Variants in ZNF697 observed in about 807,000 individuals in gnomAD.
ZNF697 encodes zinc finger protein 697.
A neutral mutation model predicts 32.4 loss-of-function variants in ZNF697; 23 were observed. The observed-to-expected ratio is 0.71, with a 90% confidence interval of 0.51 to 1.01. ZNF697 has a LOEUF of 1.01. ZNF697 is among the 50% of genes least tolerant of loss of function. ZNF697 has a pLI of 0.00. For synonymous variants in ZNF697, 418 were observed against 337.2 expected, an observed-to-expected ratio of 1.24 and a Z score of -2.62; for missense variants, 930 against 794.0, an observed-to-expected ratio of 1.17 and a Z score of -2.06.
chr1:119,631,620 C>G (rs1648777680), intron 1 of ZNF697, among the ~76,000 whole-genome samples: 1 of 151,802 alleles, frequency 6.6e-6, no homozygotes, highest in African/African-American at 2.4e-5. Context: ...GCCTGGGCCC[C>G]GCCAGCCCCC....
intron 2 of ZNF697, 127 bp from the exon 3 acceptor site, chr1:119,624,243 G>T: frequency 8.5e-7 from 1 of 1,172,264 alleles, no homozygotes; most frequent in Non-Finnish European, 1.2e-6. Flanking sequence ...GCCCCTCCAA[G>T]ACCCCCTGAG....
intron 1 of ZNF697, among the ~76,000 whole-genome samples, chr1:119,645,948 T>C (rs587734819): frequency 1.6e-4 from 25 of 152,292 alleles, no homozygotes; most frequent in African/African-American, 4.6e-4. Context: ...CCTTTACCCT[T>C]TCTCCTTCCC....
rs948501458 is a variant in ZNF697 at position 119,622,254 on chromosome 1, T to C, written c.*451A>G. 6.5e-6 allele frequency: 1 copy of C among 154,964 alleles called. No homozygotes were observed. Among genetic ancestry groups the C allele is most frequent in the Non-Finnish European group, 1.4e-5 (1 of 70,102 alleles). The allele number at this position is 154,964 out of a possible 1,614,324, so 9.6% of individuals were successfully genotyped here. ...TGATGTGTGGAGATCGGGCAAACTC[T>C]TGGTGGGACCAAGATAGAATCACTT... On this transcript the variant is annotated 3_prime_UTR_variant, in exon 3 of 3. Transcript: ENST00000421812.
chr1:119,630,083 C>T (rs1487750326), intron 1 of ZNF697, among the ~76,000 whole-genome samples: 1 of 152,206 alleles, frequency 6.6e-6, no homozygotes, highest in Admixed American at 6.5e-5. Flanking sequence ...GGGGGAAAAG[C>T]AATAGAGTGG....
rs34141517 is a variant in ZNF697 at position 119,620,883 on chromosome 1, CT to C, written c.*1821del. ...TAAAAGTGTAAAAACAATCTCGTAG[CT>C]TTTTTTCCCCCTTCCACTGTGTCTG... On this transcript the variant is annotated 3_prime_UTR_variant, in exon 3 of 3. Transcript: ENST00000421812. 102,627 of 152,156 alleles carry C rather than the reference CT, an allele frequency of 0.67. 35,399 individuals carry two copies. Among genetic ancestry groups the C allele is most frequent in the African/African-American group, 0.83 (34,196 of 41,446 alleles). 9.4% of individuals were successfully genotyped at this position (152,156 alleles called of 1,614,324 possible).
chr1:119,641,046 G>A (rs1649054673), intron 1 of ZNF697, among the ~76,000 whole-genome samples: 1 of 152,192 alleles, frequency 6.6e-6, no homozygotes, highest in African/African-American at 2.4e-5. Flanking sequence ...AGGCTCTTAA[G>A]AAAGTTAGTA....
intron 1 of ZNF697, among the ~76,000 whole-genome samples, chr1:119,636,732 G>A (rs1280267276): frequency 2.0e-5 from 3 of 152,154 alleles, no homozygotes; most frequent in African/African-American, 7.2e-5. Context: ...GGGCAGACAC[G>A]AGCCTAAATC....
chr1:119,642,245 A>T (rs1275574892), intron 1 of ZNF697, among the ~76,000 whole-genome samples: 1 of 152,224 alleles, frequency 6.6e-6, no homozygotes, highest in African/African-American at 2.4e-5. Flanking sequence ...GCAGCACAGA[A>T]GATGTCTAGG....
chr1:119,623,587 CAG>C lies in ZNF697; in HGVS notation c.754_755del (p.Leu252GlyfsTer182). On this transcript the variant is annotated frameshift_variant, in exon 3 of 3. Coordinates refer to ENST00000421812, the MANE Select transcript of ZNF697 (RefSeq NM_001080470.2). LOFTEE classifies it high-confidence loss of function. Reference protein sequence around the residue: ...VAGGFGAGPPLARPPREKPFR... With the variant: ...VAGGFGAGPPXARPPREKPFR... ...AGGGCTTTTCGCGCGGGGGCCGGGCCAGCGGGGGCCCGGCCCCGAAGCCCCCC... is the reference window on the plus strand; with the variant it reads ...AGGGCTTTTCGCGCGGGGGCCGGGCCCGGGGGCCCGGCCCCGAAGCCCCCC... 2 of 1,440,580 alleles carry C rather than the reference CAG, an allele frequency of 1.4e-6. No individual in the cohort carries two copies. Among genetic ancestry groups the C allele is most frequent in the Non-Finnish European group, 1.8e-6 (2 of 1,109,558 alleles). 89.2% of individuals were successfully genotyped at this position (1,440,580 alleles called of 1,614,324 possible).
chr1:119,640,026 T>C (rs1649025676), intron 1 of ZNF697, among the ~76,000 whole-genome samples: 1 of 152,234 alleles, frequency 6.6e-6, no homozygotes, highest in Admixed American at 6.5e-5. Flanking sequence ...AGTGCTCAGA[T>C]AGAATTATTA....
At chr1:119,640,942 A>G (rs770189168) in intron 1 of ZNF697, among the ~76,000 whole-genome samples, 13 of 152,214 alleles carry the variant, frequency 8.5e-5, no homozygotes, top group Non-Finnish European at 1.9e-4. Context: ...CAAGAAAGGC[A>G]TGGATTTCTT....
At position 119,623,376 on chromosome 1, in the gene ZNF697, C is replaced by A; in HGVS notation, c.967G>T (p.Gly323Cys). ...GEKPYPCPEC[G>C]EAFSLSSHLL... ...TGCGAGCTGAGGCTGAAGGCCTCGCCGCACTCGGGGCACGGGTAGGGCTTC... is the reference window on the plus strand; with the variant it reads ...TGCGAGCTGAGGCTGAAGGCCTCGCAGCACTCGGGGCACGGGTAGGGCTTC... Residue 323 changes from glycine to cysteine, a missense_variant, in exon 3 of 3, where the codon GGC becomes TGC. By Grantham distance (159) the Gly-to-Cys change is radical. Coordinates refer to ENST00000421812, the MANE Select transcript of ZNF697 (RefSeq NM_001080470.2). The A allele has an allele frequency of 1.4e-6, 2 of 1,478,512 alleles. No individual in the cohort carries two copies. Among genetic ancestry groups the A allele is most frequent in the Non-Finnish European group, 1.8e-6 (2 of 1,117,128 alleles). 91.6% of individuals were successfully genotyped at this position (1,478,512 alleles called of 1,614,324 possible). A position where few individuals can be genotyped will look rare whatever the true frequency, so the allele number is the denominator to read the frequency against.
intron 1 of ZNF697, among the ~76,000 whole-genome samples, chr1:119,631,255 C>G (rs1301669337): frequency 6.6e-6 from 1 of 152,264 alleles, no homozygotes; most frequent in East Asian, 1.9e-4. Flanking sequence ...TGGATGGCAC[C>G]GCGGAGGCGG....
rs202050097 is a variant in ZNF697 at position 119,623,958 on chromosome 1, G to C, written c.385C>G (p.Leu129Val). 118 of 1,604,296 alleles carry C rather than the reference G, an allele frequency of 7.4e-5. No individual in the cohort carries two copies. The highest frequency in any genetic ancestry group is 9.7e-5 in the Non-Finnish European group (114 of 1,175,690). ...DDDESAGENR[L>V]EEEEEQPAPP... ...GCCGGCTGCTCCTCTTCCTCCTCCA[G>C]CCGGTTCTCCCCAGCACTCTCGTCG... The change falls in exon 3 of 3, where the codon CTG (leucine) becomes GTG (valine). Residue 129 changes from leucine to valine, a missense_variant. Transcript: ENST00000421812.
chr1:119,646,719 A>T (rs962843758), intron 1 of ZNF697, among the ~76,000 whole-genome samples: 1 of 152,188 alleles, frequency 6.6e-6, no homozygotes, highest in African/African-American at 2.4e-5. Context: ...TGAGAGAAGA[A>T]GGTAAACAGT....
chr1:119,623,820 C>G lies in ZNF697; in HGVS notation c.523G>C (p.Gly175Arg), dbSNP rs1305072820. ...RLHHPMAVDL[G>R]ELDSLVASIM... ...CTGGCCACCAGGCTATCCAGCTCCC[C>G]GAGGTCCACGGCCATGGGGTGGTGG... is the stretch of plus-strand genomic sequence containing the variant. Residue 175 changes from glycine to arginine, a missense_variant, in exon 3 of 3, where the codon GGG becomes CGG. Physicochemically the swap from Gly to Arg is moderately radical, Grantham distance 125. Coordinates refer to ENST00000421812, the MANE Select transcript of ZNF697 (RefSeq NM_001080470.2). The G allele has an allele frequency of 1.3e-6, 2 of 1,546,992 alleles. No individual in the cohort carries two copies. Among genetic ancestry groups the G allele is most frequent in the Non-Finnish European group, 1.7e-6 (2 of 1,145,328 alleles).
At chr1:119,632,653 G>T (rs1022940561) in intron 1 of ZNF697, among the ~76,000 whole-genome samples, 2 of 152,194 alleles carry the variant, frequency 1.3e-5, no homozygotes, top group Admixed American at 6.5e-5. Context: ...GGGCCCCTCA[G>T]TTTGGCTTGA....
At chr1:119,624,519 GTC>G (rs1328211285) in intron 2 of ZNF697, among the ~76,000 whole-genome samples, 1 of 152,250 alleles carries the variant, frequency 6.6e-6, no homozygotes, top group African/African-American at 2.4e-5. Flanking sequence ...TAAGATTCTA[GTC>G]TCAAAAGACA....
Position 119,622,671 on chromosome 1 carries a change from C to A in ZNF697, c.*34G>T, listed in dbSNP as rs974590095. On this transcript the variant is annotated 3_prime_UTR_variant, in exon 3 of 3. Transcript: ENST00000421812. ...TCCCAGGATATCTACCCCCCACAGG[C>A]TCCCCAGACGGCAGCCTCCCGCGGA... 8 of 1,477,584 alleles carry A rather than the reference C, an allele frequency of 5.4e-6. No individual in the cohort carries two copies. The highest frequency in any genetic ancestry group is 4.2e-5 in the African/African-American group (3 of 71,286). 91.5% of individuals were successfully genotyped at this position (1,477,584 alleles called of 1,614,324 possible).
Sources: gnomAD v4.1 joint callset for allele counts (sites outside exome capture counted in the v4.1 genomes callset) on GRCh38, gnomAD v4.1.1 for gene constraint, MANE v1.5 for transcripts, NCBI Gene and HGNC (gene_info 2026-07-23, HGNC 2026-07-21) for gene names.